NPAS3: variants seen among roughly 807,000 people sequenced by gnomAD.
The protein encoded by NPAS3 is neuronal PAS domain-containing protein 3.
In NPAS3, 14 loss-of-function variants were observed where a neutral mutation model predicts 73.1. That is an observed-to-expected ratio of 0.19 (90% CI 0.13 to 0.30). The LOEUF (loss-of-function observed/expected upper bound fraction) is 0.30, where lower values mean the gene tolerates loss of function less well. Ranked by LOEUF, NPAS3 falls within the 10% of genes least tolerant of loss-of-function variation. NPAS3 has a pLI of 1.00. For missense variants in NPAS3, 1,096 were observed against 1,250.0 expected, an observed-to-expected ratio of 0.88 and a Z score of 1.86; for synonymous variants, 620 against 541.5, an observed-to-expected ratio of 1.14 and a Z score of -2.01.
chr14:33,661,820 C>G (rs147176330), intron 5 of NPAS3, among the ~76,000 whole-genome samples: 264 of 152,204 alleles, frequency 1.7e-3, no homozygotes, highest in African/African-American at 5.8e-3. Context: ...GATAAATTCA[C>G]AGTTGGATTT....
intron 1 of NPAS3, among the ~76,000 whole-genome samples, chr14:33,042,078 A>T (rs868325078): frequency 4.6e-5 from 7 of 152,230 alleles, no homozygotes; most frequent in African/African-American, 1.2e-4. Flanking sequence ...CTATGGGGCA[A>T]TTGGGCCGGT....
chr14:33,192,248 CAATT>C (rs74400685), intron 2 of NPAS3, among the ~76,000 whole-genome samples: 2,957 of 152,262 alleles, frequency 0.019, 49 homozygotes, highest in Non-Finnish European at 0.031. Context: ...CAATATGAAG[CAATT>C]AATTAGCATA....
intron 4 of NPAS3, among the ~76,000 whole-genome samples, chr14:33,378,000 T>C (rs1262808526): frequency 6.6e-6 from 1 of 152,176 alleles, no homozygotes; most frequent in Non-Finnish European, 1.5e-5. Context: ...CAGACCAACA[T>C]AGTTCAATGT....
chr14:33,243,787 G>C (rs1432995116), intron 3 of NPAS3, among the ~76,000 whole-genome samples: 1 of 151,800 alleles, frequency 6.6e-6, no homozygotes, highest in East Asian at 1.9e-4. Context: ...AAAAGTACAA[G>C]CTGAAGGCTG....
intron 6 of NPAS3, among the ~76,000 whole-genome samples, chr14:33,691,526 G>C (rs1160192554): frequency 6.6e-6 from 1 of 152,228 alleles, no homozygotes; most frequent in South Asian, 2.1e-4. Flanking sequence ...TAATGATCAC[G>C]GAAAGGTTTG....
intron 7 of NPAS3, among the ~76,000 whole-genome samples, chr14:33,737,967 G>A (rs148448335): frequency 1.1e-3 from 175 of 152,232 alleles, no homozygotes; most frequent in African/African-American, 3.9e-3. Context: ...ATTTCTGTCC[G>A]TTTTTCTTGT....
At chr14:33,246,407 C>T (rs111765891) in intron 3 of NPAS3, among the ~76,000 whole-genome samples, 2,596 of 151,676 alleles carry the variant, frequency 0.017, 82 homozygotes, top group East Asian at 0.13. Flanking sequence ...GGCATGGTGG[C>T]GGGCACGTGT....
chr14:33,451,437 G>A (rs1300431345), intron 4 of NPAS3, among the ~76,000 whole-genome samples: 1 of 152,186 alleles, frequency 6.6e-6, no homozygotes, highest in Non-Finnish European at 1.5e-5. Context: ...AGAACTGACA[G>A]CACAGAATTA....
intron 2 of NPAS3, among the ~76,000 whole-genome samples, chr14:33,170,196 G>A (rs1164220571): frequency 6.6e-6 from 1 of 152,158 alleles, no homozygotes; most frequent in Admixed American, 6.5e-5. Context: ...TCACAATGAA[G>A]CGAGTCATAT....
At chr14:33,798,741 C>A (rs1477717729) in intron 11 of NPAS3, among the ~76,000 whole-genome samples, 2 of 152,138 alleles carry the variant, frequency 1.3e-5, no homozygotes, top group Non-Finnish European at 2.9e-5. Flanking sequence ...AATTGGTAGT[C>A]TCTGCCCCTT....
chr14:33,177,738 GCA>G (rs1312517683), intron 2 of NPAS3, among the ~76,000 whole-genome samples: 11 of 152,168 alleles, frequency 7.2e-5, no homozygotes, highest in Non-Finnish European at 1.5e-4. Flanking sequence ...AGTTGCTCCA[GCA>G]CAGTTTGTTA....
chr14:33,669,528 A>G (rs969042114), intron 5 of NPAS3, among the ~76,000 whole-genome samples: 6 of 152,348 alleles, frequency 3.9e-5, no homozygotes, highest in Admixed American at 2.6e-4. Flanking sequence ...CACTGCTTGC[A>G]TAGTATGGTG....
At chr14:33,082,199 T>C (rs746320748) in intron 2 of NPAS3, among the ~76,000 whole-genome samples, 36 of 152,112 alleles carry the variant, frequency 2.4e-4, no homozygotes, top group African/African-American at 1.4e-4. Context: ...CCGTTTGTGC[T>C]CCTAGAAACA....
chr14:33,490,227 A>G (rs938698516), intron 4 of NPAS3, among the ~76,000 whole-genome samples: 1 of 152,106 alleles, frequency 6.6e-6, no homozygotes, highest in East Asian at 1.9e-4. Context: ...CATGGTGCCT[A>G]TATGTTTCGA....
At position 32,957,365 on chromosome 14, in the gene NPAS3, C is replaced by T. The variant is rs1324917996; in HGVS notation, c.50+17999C>T. ...TTAAGTGTGGGTTATTATAAGTATT[C>T]ATTTTCATTTTTTTTTTTTTTTTGG... On this transcript the variant is annotated intron_variant, in intron 1 of 11. Coordinates refer to ENST00000356141, the Ensembl canonical transcript of NPAS3. Among the ~76,000 whole-genome samples the T allele has an allele frequency of 2.7e-5, 4 of 149,694 alleles. 1 individual carries two copies. The South Asian group carries it at 6.3e-4, about 24-fold the overall frequency.
At chr14:33,747,026 G>T (rs2061826684) in intron 7 of NPAS3, among the ~76,000 whole-genome samples, 1 of 151,926 alleles carries the variant, frequency 6.6e-6, no homozygotes. Flanking sequence ...GGAAGTCAGT[G>T]TGGCAATTCC....
intron 1 of NPAS3, among the ~76,000 whole-genome samples, chr14:32,995,782 C>A (rs2139516846): frequency 6.6e-6 from 1 of 152,306 alleles, no homozygotes; most frequent in African/African-American, 2.4e-5. Flanking sequence ...GTGAGTTCTC[C>A]ATTAAACCTC....
chr14:33,454,455 T>A (rs547024407), intron 4 of NPAS3, among the ~76,000 whole-genome samples: 5 of 152,286 alleles, frequency 3.3e-5, no homozygotes, highest in Non-Finnish European at 5.9e-5. Context: ...CCACTAAGAT[T>A]GCTGTGAGTA....
intron 1 of NPAS3, among the ~76,000 whole-genome samples, chr14:33,008,560 A>G (rs1394885774): frequency 6.6e-6 from 1 of 152,242 alleles, no homozygotes. Context: ...AATGACGTAC[A>G]CAAAAGCTAG....
Sources: gnomAD v4.1 joint callset for allele counts (sites outside exome capture counted in the v4.1 genomes callset) on GRCh38, gnomAD v4.1.1 for gene constraint, MANE v1.5 for transcripts, NCBI Gene and HGNC (gene_info 2026-07-23, HGNC 2026-07-21) for gene names.